The following SH3KBP1 variants were observed in gnomAD, a reference collection of about 807,000 sequenced individuals.
SH3KBP1 encodes the protein SH3 domain-containing kinase-binding protein 1.
SH3KBP1 carries 8 observed loss-of-function variants against 50.1 expected under a neutral mutation model. The ratio of observed to expected loss-of-function variants is 0.16; its 90% CI spans 0.09 to 0.29. The LOEUF (loss-of-function observed/expected upper bound fraction) is 0.29. SH3KBP1 is among the 10% of genes least tolerant of loss of function. The pLI, the probability that SH3KBP1 is intolerant of heterozygous loss-of-function variation, is 1.00. For synonymous variants in SH3KBP1, 227 were observed against 218.6 expected (o/e 1.04, Z -0.34); for missense variants, 377 against 535.2 (o/e 0.70, Z 2.92).
intron 12 of SH3KBP1, among the ~76,000 whole-genome samples, chrX:19,574,940 G>T (rs1466944581): frequency 8.9e-6 from 1 of 111,927 alleles, no homozygotes; most frequent in Non-Finnish European, 1.9e-5. Flanking sequence ...GTTAGAAGAG[G>T]CCTCAGAAGA....
chrX:19,663,210 G>T (rs143858351), intron 6 of SH3KBP1, among the ~76,000 whole-genome samples: 11 of 111,298 alleles, frequency 9.9e-5, no homozygotes, highest in African/African-American at 2.3e-4. Flanking sequence ...CACACAAAAT[G>T]CAAAAGAAAA....
intron 3 of SH3KBP1, among the ~76,000 whole-genome samples, chrX:19,717,861 A>C: frequency 9.0e-6 from 1 of 111,548 alleles, no homozygotes; most frequent in Non-Finnish European, 1.9e-5. Flanking sequence ...CGTATGTTTG[A>C]TTTTATATTC....
At chrX:19,616,854 T>C (rs2067630326) in intron 8 of SH3KBP1, among the ~76,000 whole-genome samples, 1 of 111,421 alleles carries the variant, frequency 9.0e-6, no homozygotes, top group Non-Finnish European at 1.9e-5. Flanking sequence ...TCTGCTTAGC[T>C]AGAACTCTAA....
intron 14 of SH3KBP1, among the ~76,000 whole-genome samples, chrX:19,548,497 A>T (rs1175741933): frequency 2.7e-5 from 3 of 111,300 alleles, no homozygotes; most frequent in Non-Finnish European, 5.7e-5. Context: ...GGTGGTGTTG[A>T]CAGAGACGTC....
chrX:19,546,919 A>G (rs1453053791), intron 14 of SH3KBP1, among the ~76,000 whole-genome samples: 1 of 111,386 alleles, frequency 9.0e-6, no homozygotes, highest in Non-Finnish European at 1.9e-5. Context: ...GGGGATTATG[A>G]GGCGGGAGGA....
At chrX:19,694,874 C>T in intron 5 of SH3KBP1, 1 of 566,130 alleles carries the variant, frequency 1.8e-6, no homozygotes. Flanking sequence ...CCAGGTAGTG[C>T]TGCACAGTCG....
At chrX:19,594,912 C>T (rs763933402) in intron 10 of SH3KBP1, 37 bp downstream of exon 10, 10 of 1,017,003 alleles carry the variant, frequency 9.8e-6, no homozygotes, top group Admixed American at 2.2e-5. Flanking sequence ...AAAAGAAAGA[C>T]GCATATTTTA....
intron 12 of SH3KBP1, among the ~76,000 whole-genome samples, chrX:19,572,502 CAT>C (rs932019584): frequency 7.6e-5 from 8 of 105,807 alleles, no homozygotes; most frequent in East Asian, 2.9e-4. Context: ...ATATATAGTA[CAT>C]ATATATGTCA....
At chrX:19,883,558 C>T (rs2069502804) in intron 1 of SH3KBP1, among the ~76,000 whole-genome samples, 1 of 111,867 alleles carries the variant, frequency 8.9e-6, no homozygotes, top group Non-Finnish European at 1.9e-5. Flanking sequence ...ACATAGTTAA[C>T]TCGGAGAAAG....
Position 19,588,715 on chromosome X carries a change from T to C in SH3KBP1, c.1226A>G (p.Asn409Ser), listed in dbSNP as rs2066647092. The C allele has an allele frequency of 8.3e-7, 1 of 1,207,518 alleles. No individual in the cohort carries two copies. The highest frequency in any genetic ancestry group is 1.8e-5 in the South Asian group (1 of 56,011). The change falls in exon 12 of 18, where the codon AAT becomes AGT. Residue 409 changes from asparagine to serine, a missense_variant. This residue lies in a region of SH3KBP1 where 257 missense variants were observed against 374.2 expected (regional missense o/e 0.69). Coordinates refer to ENST00000397821, the MANE Select transcript of SH3KBP1 (RefSeq NM_031892.3). ...PPKKPRPPKT[N>S]SLSRPGALPP... ...CAGTGCGCCAGGTCTGCTGAGAGAA[T>C]TGGTCTTAGGTGGCCGAGGCTTTTT...
chrX:19,679,883 G>A (rs2063006099), intron 6 of SH3KBP1, among the ~76,000 whole-genome samples: 1 of 111,983 alleles, frequency 8.9e-6, no homozygotes, highest in South Asian at 3.6e-4. Context: ...ATTCATAAAC[G>A]GAATCCTTCC....
chrX:19,740,913 C>T (rs2064748022), intron 3 of SH3KBP1: 1 of 202,693 alleles, frequency 4.9e-6, no homozygotes, highest in African/African-American at 3.0e-5. Flanking sequence ...GGGGAAAGGA[C>T]GGGCAGTCAC....
At chrX:19,862,493 C>T (rs2068802622) in intron 1 of SH3KBP1, among the ~76,000 whole-genome samples, 1 of 111,241 alleles carries the variant, frequency 9.0e-6, no homozygotes, top group Non-Finnish European at 1.9e-5. Context: ...ACCATTCTTC[C>T]ACTCAAGCTT....
intron 1 of SH3KBP1, among the ~76,000 whole-genome samples, chrX:19,839,052 T>C (rs2068147819): frequency 9.0e-6 from 1 of 110,789 alleles, no homozygotes; most frequent in Non-Finnish European, 1.9e-5. Flanking sequence ...ATCAAGATCA[T>C]TCATAATATG....
chrX:19,772,253 A>C (rs1356627389), intron 2 of SH3KBP1, among the ~76,000 whole-genome samples: 1 of 111,680 alleles, frequency 9.0e-6, no homozygotes, highest in Non-Finnish European at 1.9e-5. Flanking sequence ...TACCAACAAT[A>C]AGAGAGTCTG....
chrX:19,679,896 A>G (rs1049693185), intron 6 of SH3KBP1, among the ~76,000 whole-genome samples: 1 of 112,522 alleles, frequency 8.9e-6, no homozygotes, highest in South Asian at 3.6e-4. Flanking sequence ...ATCCTTCCTT[A>G]TAGCCTGATA....
intron 5 of SH3KBP1, among the ~76,000 whole-genome samples, chrX:19,692,047 T>A (rs747783795): frequency 1.8e-5 from 2 of 111,808 alleles, no homozygotes; most frequent in Non-Finnish European, 3.8e-5. Flanking sequence ...TTTATAAGAA[T>A]CTTTTTTGAA....
At chrX:19,788,274 AAAAAAAAAAAAC>A (rs1394036646) in intron 2 of SH3KBP1, among the ~76,000 whole-genome samples, 19 of 99,318 alleles carry the variant, frequency 1.9e-4, no homozygotes, top group African/African-American at 6.1e-4. Context: ...ATCTCCAAAA[AAAAAAAAAAAAC>A]AAAAAAAAAA....
chrX:19,696,284 C>T (rs1004535761), intron 4 of SH3KBP1, among the ~76,000 whole-genome samples: 6 of 112,027 alleles, frequency 5.4e-5, no homozygotes, highest in African/African-American at 1.9e-4. Context: ...AAATCATTCC[C>T]TTTATAATCT....
Sources: allele counts gnomAD v4.1 joint callset (sites outside exome capture counted in the v4.1 genomes callset), GRCh38; gene constraint gnomAD v4.1.1; regional missense constraint gnomAD v4.1.1; transcripts MANE v1.5; gene names NCBI Gene and HGNC (gene_info 2026-07-23, HGNC 2026-07-21).